ETV1: variants seen among roughly 807,000 people sequenced by gnomAD.
ETV1 encodes ETS variant transcription factor 1, also known as ETS translocation variant 1.
In ETV1, 27 loss-of-function variants were observed where a neutral mutation model predicts 62.3. The ratio of observed to expected loss-of-function variants is 0.43; its 90% CI spans 0.32 to 0.60. ETV1 has a LOEUF of 0.60. ETV1 is among the 20% of genes least tolerant of loss of function. The pLI, the probability that ETV1 is intolerant of heterozygous loss-of-function variation, is 0.06. For missense variants in ETV1, 605 were observed against 605.8 expected (o/e 1.00, Z 0.01); for synonymous variants, 222 against 199.6 (o/e 1.11, Z -0.94).
intron 9 of ETV1, among the ~76,000 whole-genome samples, chr7:13,920,899 A>G (rs1364116134): frequency 6.6e-6 from 1 of 152,216 alleles, no homozygotes; most frequent in Non-Finnish European, 1.5e-5. Context: ...AGGCCAATCT[A>G]TGACCTCTAT....
At chr7:13,956,321 A>G (rs1393576603) in intron 6 of ETV1, among the ~76,000 whole-genome samples, 1 of 148,168 alleles carries the variant, frequency 6.7e-6, no homozygotes, top group Non-Finnish European at 1.5e-5. Flanking sequence ...AGTTCACAGG[A>G]TTTTTTTTTT....
At chr7:13,975,031 G>A (rs912691462) in intron 6 of ETV1, 7 of 152,436 alleles carry the variant, frequency 4.6e-5, no homozygotes, top group African/African-American at 1.7e-4. Context: ...GGAAGACATC[G>A]CTGTTCAAAG....
At chr7:13,935,684 A>G (rs1786722633) in intron 8 of ETV1, 24 bp downstream of exon 8, 7 of 1,599,440 alleles carry the variant, frequency 4.4e-6, no homozygotes, top group African/African-American at 2.7e-5. Context: ...AACAGTTTCT[A>G]GAAAACTGGT....
intron 6 of ETV1, among the ~76,000 whole-genome samples, chr7:13,960,334 G>A (rs900372781): frequency 9.2e-5 from 14 of 151,952 alleles, no homozygotes; most frequent in Non-Finnish European, 2.1e-4. Context: ...AAAGTCCTCT[G>A]CCCTAAAAAC....
intron 9 of ETV1, among the ~76,000 whole-genome samples, chr7:13,914,465 A>G (rs1488783448): frequency 1.3e-5 from 2 of 152,112 alleles, no homozygotes; most frequent in Admixed American, 1.3e-4. Context: ...ATTCAAAGCA[A>G]CAAAGCCCTG....
At chr7:13,925,847 C>T (rs575330826) in intron 9 of ETV1, among the ~76,000 whole-genome samples, 118 of 152,030 alleles carry the variant, frequency 7.8e-4, no homozygotes, top group Non-Finnish European at 1.2e-3. Flanking sequence ...TGAGCCACCG[C>T]GCCTGGCCCG....
chr7:13,896,530 A>T (rs1781794568), intron 13 of ETV1, among the ~76,000 whole-genome samples: 2 of 152,162 alleles, frequency 1.3e-5, no homozygotes, highest in African/African-American at 4.8e-5. Flanking sequence ...AATGGTAGAA[A>T]AACTAAATTC....
intron 6 of ETV1, among the ~76,000 whole-genome samples, chr7:13,966,598 G>T (rs571095244): frequency 6.6e-6 from 1 of 152,100 alleles, no homozygotes; most frequent in African/African-American, 2.4e-5. Context: ...AGTGAGCTGA[G>T]ATCATGCCAC....
chr7:13,917,273 C>T (rs555674304), intron 9 of ETV1, among the ~76,000 whole-genome samples: 1 of 151,568 alleles, frequency 6.6e-6, no homozygotes, highest in Admixed American at 6.6e-5. Context: ...AACATAGACA[C>T]AACTGTAACT....
chr7:13,906,728 T>G (rs1159399247), intron 11 of ETV1, 129 bp from the exon 12 acceptor site: 1 of 613,666 alleles, frequency 1.6e-6, no homozygotes, highest in Non-Finnish European at 2.7e-6. Context: ...ATGAAATATA[T>G]TATTACCATT....
At chr7:13,963,002 A>C (rs1167020323) in intron 6 of ETV1, among the ~76,000 whole-genome samples, 2 of 152,158 alleles carry the variant, frequency 1.3e-5, no homozygotes, top group Admixed American at 6.5e-5. Context: ...AATGCATACA[A>C]GGGAAAATGT....
At chr7:13,967,342 C>G (rs1780404831) in intron 6 of ETV1, among the ~76,000 whole-genome samples, 1 of 152,016 alleles carries the variant, frequency 6.6e-6, no homozygotes, top group African/African-American at 2.4e-5. Flanking sequence ...CACAGCAAAA[C>G]AAACCAAAAA....
chr7:13,895,854 C>T lies in ETV1; in HGVS notation c.*12G>A. 1 of 1,602,726 alleles carries T rather than the reference C, an allele frequency of 6.2e-7. No homozygotes were observed. On this transcript the variant is annotated 3_prime_UTR_variant, in exon 14 of 14. Coordinates refer to ENST00000430479, the MANE Select transcript of ETV1 (RefSeq NM_004956.5). The stretch of plus-strand genomic sequence containing the variant: ...AAAAGCGCAAAAACGCCCTGCTTGA[C>T]TGTCACTTGTGTTAATACACGTAGC...
intron 6 of ETV1, among the ~76,000 whole-genome samples, chr7:13,942,906 G>C (rs1433701273): frequency 6.6e-6 from 1 of 151,996 alleles, no homozygotes; most frequent in Admixed American, 6.6e-5. Flanking sequence ...TTTAAGTCTT[G>C]AGTACCATGA....
Position 13,939,013 on chromosome 7 carries a change from T to C in ETV1, c.365+104A>G. 3.5e-6 allele frequency: 4 copies of C among 1,130,746 alleles called. No homozygotes were observed. In the East Asian group the frequency reaches 7.4e-5, roughly 21 times the overall value. 70.0% of individuals were successfully genotyped at this position (1,130,746 alleles called of 1,614,324 possible). A position where few individuals can be genotyped will look rare whatever the true frequency, so the allele number is the denominator to read the frequency against. ...CATTACCTAATTAGCTTGTTACATA[T>C]TAAAGACGTTACTCATAAAATATGA... On this transcript the variant is annotated intron_variant, in intron 7 of 13. Transcript: ENST00000430479.
At chr7:13,959,277 A>T (rs887329348) in intron 6 of ETV1, among the ~76,000 whole-genome samples, 9 of 152,166 alleles carry the variant, frequency 5.9e-5, no homozygotes, top group Admixed American at 6.5e-5. Flanking sequence ...TTACCTGGTT[A>T]TCAATAGGAA....
At chr7:13,981,052 C>G (rs1239486013) in intron 5 of ETV1, among the ~76,000 whole-genome samples, 1 of 150,792 alleles carries the variant, frequency 6.6e-6, no homozygotes, top group Non-Finnish European at 1.5e-5. Flanking sequence ...TGCAGGGAAG[C>G]GAAAACCCTC....
chr7:13,981,091 G>T (rs553738418), intron 5 of ETV1, among the ~76,000 whole-genome samples: 2 of 151,402 alleles, frequency 1.3e-5, no homozygotes, highest in African/African-American at 2.4e-5. Context: ...TGCCTGTTGG[G>T]TTTTTTTTTA....
At chr7:13,924,944 G>A (rs769042129) in intron 9 of ETV1, among the ~76,000 whole-genome samples, 2 of 152,088 alleles carry the variant, frequency 1.3e-5, no homozygotes, top group Non-Finnish European at 2.9e-5. Context: ...AGAGTTACGT[G>A]CCTCCAAATT....
Sources: gnomAD v4.1 joint callset for allele counts (sites outside exome capture counted in the v4.1 genomes callset) on GRCh38, gnomAD v4.1.1 for gene constraint, MANE v1.5 for transcripts, NCBI Gene and HGNC (gene_info 2026-07-23, HGNC 2026-07-21) for gene names.